DAB1: variants seen among roughly 807,000 people sequenced by gnomAD.
The protein encoded by DAB1 is DAB adaptor protein 1.
In DAB1, 15 loss-of-function variants were observed where a neutral mutation model predicts 64.6. The observed-to-expected ratio is 0.23, with a 90% CI of 0.16 to 0.36. The LOEUF (loss-of-function observed/expected upper bound fraction) is 0.36, where lower values mean the gene tolerates loss of function less well. Ranked by LOEUF, DAB1 falls within the 10% of genes least tolerant of loss-of-function variation. The pLI, the probability that DAB1 is intolerant of heterozygous loss-of-function variation, is 1.00. For synonymous variants in DAB1, 235 were observed against 251.9 expected (o/e 0.93, Z 0.64); for missense variants, 596 against 706.7 (o/e 0.84, Z 1.78).
intron 4 of DAB1, among the ~76,000 whole-genome samples, chr1:58,166,102 C>T (rs536815183): frequency 6.6e-6 from 1 of 152,192 alleles, no homozygotes; most frequent in Non-Finnish European, 1.5e-5. Flanking sequence ...GAAGAAGTCA[C>T]ATTTATTAAT....
chr1:57,140,978 A>C (rs1658535797), intron 3 of DAB1, among the ~76,000 whole-genome samples: 1 of 152,190 alleles, frequency 6.6e-6, no homozygotes, highest in African/African-American at 2.4e-5. Flanking sequence ...AGCACAGTAC[A>C]TGCACCCAAC....
chr1:57,479,496 C>CGAT (rs1643984173), intron 7 of DAB1, among the ~76,000 whole-genome samples: 1 of 150,938 alleles, frequency 6.6e-6, no homozygotes, highest in South Asian at 2.1e-4. Flanking sequence ...TTCTAGTTAT[C>CGAT]TAATGCAGCA....
chr1:57,098,462 T>G (rs986585056), intron 4 of DAB1, among the ~76,000 whole-genome samples: 1 of 152,180 alleles, frequency 6.6e-6, no homozygotes, highest in Non-Finnish European at 1.5e-5. Flanking sequence ...CCCATTACCA[T>G]CTAATTGGAG....
intron 7 of DAB1, among the ~76,000 whole-genome samples, chr1:57,430,908 GAA>G (rs35725380): frequency 0.17 from 24,660 of 146,480 alleles, 2,212 homozygotes; most frequent in African/African-American, 0.24. Context: ...GGCAGAGAAA[GAA>G]AAAAAAAAAA....
intron 4 of DAB1, among the ~76,000 whole-genome samples, chr1:58,180,821 T>C (rs572071305): frequency 6.6e-6 from 1 of 152,354 alleles, no homozygotes; most frequent in Admixed American, 6.5e-5. Context: ...GATACTGGTT[T>C]TGTTGGACAA....
At chr1:57,733,217 C>T (rs555562992) in intron 6 of DAB1, among the ~76,000 whole-genome samples, 209 of 152,034 alleles carry the variant, frequency 1.4e-3, no homozygotes, top group Non-Finnish European at 1.9e-3. Context: ...CTCCTAACCC[C>T]GCACCTGATA....
At chr1:58,393,735 G>C (rs1035058487) in intron 3 of DAB1, among the ~76,000 whole-genome samples, 2 of 152,150 alleles carry the variant, frequency 1.3e-5, no homozygotes, top group South Asian at 2.1e-4. Flanking sequence ...GGTAAATGGG[G>C]AAAGGGGAGA....
At chr1:57,223,858 G>T (rs974006282) in intron 2 of DAB1, among the ~76,000 whole-genome samples, 1 of 152,170 alleles carries the variant, frequency 6.6e-6, no homozygotes, top group African/African-American at 2.4e-5. Flanking sequence ...GTGCTACACA[G>T]CCTCTCTCCT....
intron 1 of DAB1, among the ~76,000 whole-genome samples, chr1:57,321,589 T>TA (rs1325964570): frequency 6.6e-6 from 1 of 152,086 alleles, no homozygotes; most frequent in Non-Finnish European, 1.5e-5. Context: ...CACAGAATCT[T>TA]AGAGATGGAA....
chr1:57,035,823 C>A (rs74327882), intron 9 of DAB1, among the ~76,000 whole-genome samples: 2 of 144,880 alleles, frequency 1.4e-5, no homozygotes, highest in South Asian at 4.4e-4. Flanking sequence ...ATTTCAGTAA[C>A]GCACATGCAC....
chr1:57,066,621 T>C (rs1221009733), intron 8 of DAB1, among the ~76,000 whole-genome samples: 2 of 152,300 alleles, frequency 1.3e-5, no homozygotes, highest in East Asian at 3.9e-4. Flanking sequence ...TCCAACAACA[T>C]GTGGTGAGCA....
intron 1 of DAB1, among the ~76,000 whole-genome samples, chr1:57,324,264 ATT>A (rs1379739781): frequency 3.3e-5 from 5 of 152,232 alleles, no homozygotes; most frequent in Non-Finnish European, 7.3e-5. Flanking sequence ...ATGCTCAGGA[ATT>A]CACACTAAAC....
At chr1:57,569,663 G>C (rs1042401265) in intron 7 of DAB1, among the ~76,000 whole-genome samples, 3 of 151,846 alleles carry the variant, frequency 2.0e-5, no homozygotes, top group African/African-American at 7.3e-5. Context: ...AAGTTAATGG[G>C]GGCATCACAC....
intron 6 of DAB1, among the ~76,000 whole-genome samples, chr1:57,785,689 G>C (rs1197901091): frequency 6.6e-6 from 1 of 152,184 alleles, no homozygotes; most frequent in Non-Finnish European, 1.5e-5. Flanking sequence ...CAGATAAGGA[G>C]TTGCTTAGTT....
Position 57,446,552 on chromosome 1 carries a change from C to G in DAB1, n.626-155386G>C, listed in dbSNP as rs560627809. On this transcript the variant is annotated intron_variant and non_coding_transcript_variant, in intron 7 of 20. Coordinates refer to the DAB1 transcript ENST00000485760. ...GGTGGAGGTTGCAGTGAGCCGAGAT[C>G]GCGCCATTGCACTCCAGCCTGAGCA... Among the ~76,000 whole-genome samples the G allele has an allele frequency of 4.7e-5, 7 of 148,588 alleles. No homozygotes were observed. In the South Asian group the frequency reaches 1.5e-3, roughly 32 times the overall value.
chr1:58,494,712 C>G (rs1413298085), intron 3 of DAB1, among the ~76,000 whole-genome samples: 3 of 152,084 alleles, frequency 2.0e-5, no homozygotes, highest in Non-Finnish European at 4.4e-5. Context: ...ATCAAAACCA[C>G]AATGAGATAC....
At chr1:57,646,180 A>G (rs1646189446) in intron 7 of DAB1, among the ~76,000 whole-genome samples, 1 of 152,232 alleles carries the variant, frequency 6.6e-6, no homozygotes, top group Non-Finnish European at 1.5e-5. Flanking sequence ...ACAATAAATG[A>G]ATAACCAATA....
chr1:57,116,086 A>G (rs1249915477), intron 4 of DAB1, among the ~76,000 whole-genome samples: 1 of 152,118 alleles, frequency 6.6e-6, no homozygotes, highest in Non-Finnish European at 1.5e-5. Context: ...GGCTTTCCAA[A>G]GCTCCACAGA....
intron 4 of DAB1, among the ~76,000 whole-genome samples, chr1:58,247,976 C>A (rs1188098573): frequency 6.6e-6 from 1 of 152,112 alleles, no homozygotes; most frequent in African/African-American, 2.4e-5. Context: ...TGCATCCCTT[C>A]CTGGTATGTA....
Sources: gnomAD v4.1 joint callset for allele counts (sites outside exome capture counted in the v4.1 genomes callset) on GRCh38, gnomAD v4.1.1 for gene constraint, MANE v1.5 for transcripts, NCBI Gene and HGNC (gene_info 2026-07-23, HGNC 2026-07-21) for gene names.